WDR55: variants seen among roughly 807,000 people sequenced by gnomAD.
WDR55 encodes WD repeat-containing protein 55.
WDR55 carries 31 observed loss-of-function variants against 34.0 expected under a neutral mutation model. The ratio of observed to expected loss-of-function variants is 0.91; its 90% CI spans 0.69 to 1.23. The LOEUF (loss-of-function observed/expected upper bound fraction) is 1.23. WDR55 is among the 50% of genes most tolerant of loss of function. WDR55 has a pLI of 0.00. For missense variants in WDR55, 440 were observed against 494.6 expected (o/e 0.89, Z 1.05); for synonymous variants, 164 against 185.9 (o/e 0.88, Z 0.96).
rs1393337200 is a variant in WDR55, at chr5:140,669,728, G to A, written c.*74G>A. On this transcript the variant is annotated 3_prime_UTR_variant, in exon 7 of 7. Transcript: ENST00000358337. The stretch of plus-strand genomic sequence containing the variant: ...CTTATTGGGCTGCATCCCCAGAGAG[G>A]ATATGAATTATTTTTTGAAAAGACA... 7.1e-7 allele frequency: 1 copy of A among 1,407,882 alleles called. No individual in the cohort carries two copies. The highest frequency in any genetic ancestry group is 9.6e-7 in the Non-Finnish European group (1 of 1,042,440). The allele number at this position is 1,407,882 out of a possible 1,614,324, so 87.2% of individuals were successfully genotyped here.
chr5:140,671,628 A>T lies in WDR55; in HGVS notation c.*1974A>T, dbSNP rs753049676. On this transcript the variant is annotated 3_prime_UTR_variant, in exon 7 of 7. Transcript: ENST00000358337. ...CCTAACTTGTCCCTTGCCAAAGCCA[A>T]CTGGCTGCCCTCTGGCTGTGGGGAC... 14 of 1,576,398 alleles carry T rather than the reference A, an allele frequency of 8.9e-6. No individual in the cohort carries two copies. The highest frequency in any genetic ancestry group is 1.2e-5 in the Non-Finnish European group (14 of 1,161,522).
In WDR55 at chr5:140,666,359, G is replaced by A. The variant is rs531948423; in HGVS notation, c.191+1256G>A. 3.3e-5 allele frequency among the ~76,000 whole-genome samples: 5 copies of A among 152,318 alleles called. No homozygotes were observed. In the South Asian group the frequency reaches 1.0e-3, roughly 32 times the overall value. On this transcript the variant is annotated intron_variant, in intron 1 of 6. Transcript: ENST00000358337. ...GGCAGTGAGCCGAGATCGTGCCATT[G>A]CACTCCAGCCTGGGCAACAAGAGCA...
At chr5:140,668,831 G>T (rs762878884) in intron 4 of WDR55, 40 bp downstream of exon 4, 1 of 1,613,470 alleles carries the variant, frequency 6.2e-7, no homozygotes, top group South Asian at 1.1e-5. Context: ...TCCCCTCCCT[G>T]TGTGAAATGT....
rs2149814271 is a variant in WDR55 at position 140,670,561 on chromosome 5, C to T, written c.*907C>T. On this transcript the variant is annotated 3_prime_UTR_variant, in exon 7 of 7. Coordinates refer to ENST00000358337, the MANE Select transcript of WDR55 (RefSeq NM_017706.5). The stretch of plus-strand genomic sequence containing the variant: ...ACGGGGTTTCTCCATGCTGGCCAGG[C>T]TGGTCTCGAACTCCTGACCTCAGGT... The T allele has an allele frequency of 6.6e-6, 1 of 151,624 alleles. No individual in the cohort carries two copies. Among genetic ancestry groups the T allele is most frequent in the African/African-American group, 2.4e-5 (1 of 41,160 alleles). 9.4% of individuals were successfully genotyped at this position (151,624 alleles called of 1,614,324 possible). A position where few individuals can be genotyped will look rare whatever the true frequency, so the allele number is the denominator to read the frequency against.
At position 140,671,482 on chromosome 5, in the gene WDR55, C is replaced by A; in HGVS notation, c.*1828C>A. 1 of 1,604,000 alleles carries A rather than the reference C, an allele frequency of 6.2e-7. No homozygotes were observed. The highest frequency in any genetic ancestry group is 8.5e-7 in the Non-Finnish European group (1 of 1,176,676). ...GCACCGGATGCCCAGGAATCACCAC[C>A]TGGTACCAGAAGCGGTGCCAGCCAG... On this transcript the variant is annotated 3_prime_UTR_variant, in exon 7 of 7. Transcript: ENST00000358337.
chr5:140,664,964 G>A lies in WDR55; in HGVS notation c.52G>A (p.Asp18Asn). ...CGCTGAGGATGGGAGCGACGAGGAGGACCCAGACTCCATGGAAGCCCCAAC... is the reference window on the plus strand; with the variant it reads ...CGCTGAGGATGGGAGCGACGAGGAGAACCCAGACTCCATGGAAGCCCCAAC... ...RPAEDGSDEEDPDSMEAPTRI... is the reference protein window; with the variant it reads ...RPAEDGSDEENPDSMEAPTRI... The change falls in exon 1 of 7, where the codon GAC (aspartate) becomes AAC (asparagine). Residue 18 changes from aspartate to asparagine, a missense_variant. Physicochemically the swap from Asp to Asn is conservative, Grantham distance 23. Transcript: ENST00000358337. 6.2e-7 allele frequency: 1 copy of A among 1,613,052 alleles called. No homozygotes were observed. Among genetic ancestry groups the A allele is most frequent in the East Asian group, 2.2e-5 (1 of 44,802 alleles).
Position 140,671,500 on chromosome 5 carries a change from C to A in WDR55, c.*1846C>A, listed in dbSNP as rs1758073557. ...TCACCACCTGGTACCAGAAGCGGTG[C>A]CAGCCAGCAGGTCCTATGCCCAAAC... is the stretch of plus-strand genomic sequence containing the variant. On this transcript the variant is annotated 3_prime_UTR_variant, in exon 7 of 7. Coordinates refer to ENST00000358337, the MANE Select transcript of WDR55 (RefSeq NM_017706.5). 1 of 1,592,676 alleles carries A rather than the reference C, an allele frequency of 6.3e-7. No individual in the cohort carries two copies. The highest frequency in any genetic ancestry group is 1.8e-5 in the Admixed American group (1 of 55,910).
chr5:140,665,448 T>C (rs1757896331), intron 1 of WDR55, among the ~76,000 whole-genome samples: 1 of 152,142 alleles, frequency 6.6e-6, no homozygotes, highest in African/African-American at 2.4e-5. Flanking sequence ...AACCTCCCCC[T>C]TCCGGGTTCA....
chr5:140,668,534 A>C (rs781361784), intron 3 of WDR55, 32 bp downstream of exon 3: 1 of 1,612,408 alleles, frequency 6.2e-7, no homozygotes, highest in Non-Finnish European at 8.5e-7. Context: ...GTGTATGTGC[A>C]TGGAGGTGAA....
chr5:140,671,982 T>TTTA lies in WDR55; in HGVS notation c.*2330_*2331insATT. 2 of 607,258 alleles carry TTTA rather than the reference T, an allele frequency of 3.3e-6. No homozygotes were observed. Among genetic ancestry groups the TTTA allele is most frequent in the Non-Finnish European group, 5.8e-6 (2 of 344,190 alleles). 37.6% of individuals were successfully genotyped at this position (607,258 alleles called of 1,614,324 possible). On this transcript the variant is annotated 3_prime_UTR_variant, in exon 7 of 7. Transcript: ENST00000358337. ...GGAGAAGTACTGGTTAATTGCAGGC[T>TTTA]TTGTCTGCCTCATAACCATCATAAT...
Position 140,664,924 on chromosome 5 carries a change from T to C in WDR55, c.12T>C (p.Thr4=). The change falls in exon 1 of 7, where the codon ACT becomes ACC. Residue 4 remains threonine, a synonymous_variant. Coordinates refer to ENST00000358337, the MANE Select transcript of WDR55 (RefSeq NM_017706.5). ...CAGTCCTTCTCAGCATGGACCGCAC[T>C]TGTGAGGAGAGGCCCGCTGAGGATG... MDR[T]CEERPAEDGS... The C allele has an allele frequency of 6.2e-7, 1 of 1,605,122 alleles. No individual in the cohort carries two copies. Among genetic ancestry groups the C allele is most frequent in the Non-Finnish European group, 8.5e-7 (1 of 1,176,090 alleles).
chr5:140,671,757 GA>G lies in WDR55; in HGVS notation c.*2108del, dbSNP rs1274677873. On this transcript the variant is annotated 3_prime_UTR_variant, in exon 7 of 7. Transcript: ENST00000358337. ...CCACAGAGGTGTGACTGCCCTGTAG[GA>G]AAAATGCAAAGACAAGGGCAGGTCT... 2.6e-6 allele frequency: 4 copies of G among 1,564,964 alleles called. No homozygotes were observed. The highest frequency in any genetic ancestry group is 3.5e-6 in the Non-Finnish European group (4 of 1,154,010).
Position 140,668,937 on chromosome 5 carries a change from G to C in WDR55, c.607G>C (p.Glu203Gln). The change falls in exon 5 of 7, where the codon GAG becomes CAG. Residue 203 changes from glutamate to glutamine, a missense_variant. Transcript: ENST00000358337. ...GIFNIKRRRF[E>Q]LLSEPQSGDL... ...CTTCAACATTAAGAGGCGTCGGTTTGAGCTGCTCTCAGAACCTCAGTCTGG... is the reference window on the plus strand; with the variant it reads ...CTTCAACATTAAGAGGCGTCGGTTTCAGCTGCTCTCAGAACCTCAGTCTGG... The C allele has an allele frequency of 1.2e-6, 2 of 1,614,214 alleles. No individual in the cohort carries two copies. The highest frequency in any genetic ancestry group is 1.7e-6 in the Non-Finnish European group (2 of 1,180,052).
Position 140,664,988 on chromosome 5 carries a change from A to T in WDR55, c.76A>T (p.Thr26Ser). 6.2e-7 allele frequency: 1 copy of T among 1,613,826 alleles called. No homozygotes were observed. Among genetic ancestry groups the T allele is most frequent in the Non-Finnish European group, 8.5e-7 (1 of 1,179,874 alleles). ...GGACCCAGACTCCATGGAAGCCCCA[A>T]CCCGGATCCGGGACACTCCGGAAGA... ...EEDPDSMEAP[T>S]RIRDTPEDIV... The change falls in exon 1 of 7, where the codon ACC (threonine) becomes TCC (serine). Residue 26 changes from threonine to serine, a missense_variant. Coordinates refer to ENST00000358337, the MANE Select transcript of WDR55 (RefSeq NM_017706.5).
rs35080423 is a variant in WDR55, at chr5:140,669,207, C to A, written c.789C>A (p.Thr263=). 2,247 of 1,613,772 alleles carry A rather than the reference C, an allele frequency of 1.4e-3. 27 individuals carry two copies. The African/African-American group carries it at 0.027, about 20-fold the overall frequency. Residue 263 remains threonine, a synonymous_variant, in exon 6 of 7, where the codon ACC becomes ACA. Coordinates refer to ENST00000358337, the MANE Select transcript of WDR55 (RefSeq NM_017706.5). ...CTATCGACTGCATGGTTCCAGTCACCGAGAGTCTGCTGTGTACTGGCTCCA... is the reference window on the plus strand; with the variant it reads ...CTATCGACTGCATGGTTCCAGTCACAGAGAGTCTGCTGTGTACTGGCTCCA... ...AESIDCMVPV[T]ESLLCTGSTD... is the part of the protein sequence containing the mutation.
intron 1 of WDR55, chr5:140,667,240 GA>G (rs1757947029): frequency 3.1e-5 from 25 of 815,364 alleles, no homozygotes; most frequent in Non-Finnish European, 3.6e-5. Flanking sequence ...GGTTCTGGAG[GA>G]AAATTCTTGG....
chr5:140,666,621 T>C (rs1757931591), intron 1 of WDR55: 19 of 985,202 alleles, frequency 1.9e-5, no homozygotes, highest in Non-Finnish European at 2.3e-5. Flanking sequence ...ATTTGTGTAA[T>C]TATTTGAATG....
intron 1 of WDR55, chr5:140,667,919 A>T (rs886870638): frequency 5.0e-6 from 1 of 200,608 alleles, no homozygotes; most frequent in African/African-American, 2.3e-5. Context: ...GATGTAACAA[A>T]TATCTCCTCC....
chr5:140,671,937 G>T lies in WDR55; in HGVS notation c.*2283G>T. The T allele has an allele frequency of 1.5e-6, 1 of 664,174 alleles. No individual in the cohort carries two copies. Among genetic ancestry groups the T allele is most frequent in the Non-Finnish European group, 2.6e-6 (1 of 385,134 alleles). The allele number at this position is 664,174 out of a possible 1,614,324, so 41.1% of individuals were successfully genotyped here. ...ATTTGCAAAGGGAGTATAACACACTGCTACCTTACAAGTTTCCTTGGAGAA... is the reference window on the plus strand; with the variant it reads ...ATTTGCAAAGGGAGTATAACACACTTCTACCTTACAAGTTTCCTTGGAGAA... On this transcript the variant is annotated 3_prime_UTR_variant, in exon 7 of 7. Coordinates refer to ENST00000358337, the MANE Select transcript of WDR55 (RefSeq NM_017706.5).
Sources: allele counts gnomAD v4.1 joint callset (sites outside exome capture counted in the v4.1 genomes callset), GRCh38; gene constraint gnomAD v4.1.1; transcripts MANE v1.5; gene names NCBI Gene and HGNC (gene_info 2026-07-23, HGNC 2026-07-21).